Variants in ANO7 observed in about 807,000 individuals in gnomAD.
ANO7 encodes anoctamin-7.
Under a neutral mutation model 115.8 loss-of-function variants are expected in ANO7, and 114 were observed. The ratio of observed to expected loss-of-function variants is 0.98; its 90% CI spans 0.85 to 1.15. ANO7 has a LOEUF of 1.15. Among genes scored for constraint, ANO7 ranks in the 50% most tolerant of loss-of-function variants. The pLI, the probability that ANO7 is intolerant of heterozygous loss-of-function variation, is 0.00. For missense variants in ANO7, 1,302 were observed against 1,201.2 expected, an observed-to-expected ratio of 1.08 and a Z score of -1.24; for synonymous variants, 550 against 498.2, an observed-to-expected ratio of 1.10 and a Z score of -1.38.
intron 10 of ANO7, among the ~76,000 whole-genome samples, chr2:241,205,543 C>G (rs2068572762): frequency 8.9e-6 from 1 of 111,802 alleles, no homozygotes; most frequent in Non-Finnish European, 1.8e-5. Flanking sequence ...CCAAGGCTGA[C>G]ACAGGTGGAC....
chr2:241,229,605 C>T (rs762688647), downstream of ANO7: 3 of 1,612,514 alleles, frequency 1.9e-6, no homozygotes, highest in East Asian at 2.2e-5. Context: ...TGATCATTAT[C>T]GTTTGGGGCC....
chr2:241,223,373 A>G (rs2069073935), intron 22 of ANO7, 97 bp downstream of exon 22: 3 of 1,346,892 alleles, frequency 2.2e-6, no homozygotes, highest in Non-Finnish European at 2.1e-6. Context: ...CGGTGCCGTC[A>G]CTTCCTGCTG....
chr2:241,210,452 G>A lies in ANO7; in HGVS notation c.1459-16G>A. 1 of 1,613,902 alleles carries A rather than the reference G, an allele frequency of 6.2e-7. No individual in the cohort carries two copies. On this transcript the variant is annotated splice_polypyrimidine_tract_variant and intron_variant, in intron 14 of 24. Transcript: ENST00000674324. ...AGCGGCCCCTCATCCGGCTCTGACG[G>A]CCTGTCTCCCGTTAGGCCTCTCGCA...
chr2:241,209,760 C>A, intron 13 of ANO7, 125 bp downstream of exon 13: 4 of 1,326,078 alleles, frequency 3.0e-6, no homozygotes, highest in East Asian at 2.6e-5. Flanking sequence ...CCCTCACTCC[C>A]CGCAGAGAGG....
intron 13 of ANO7, 28 bp from the exon 14 acceptor site, chr2:241,210,267 G>T (rs771017363): frequency 1.2e-6 from 2 of 1,608,996 alleles, no homozygotes; most frequent in Admixed American, 3.3e-5. Flanking sequence ...CACCGTGAAG[G>T]GTCTCACGGG....
chr2:241,237,226 G>T, the ANO7 span, among the ~76,000 whole-genome samples: 7 of 152,170 alleles, frequency 4.6e-5, no homozygotes, highest in African/African-American at 1.4e-4. Context: ...AGTGGGAAGG[G>T]GGGTGAGAGG....
In ANO7 at chr2:241,224,022, G is replaced by A. The variant is rs187385068; in HGVS notation, c.2583+67G>A. The A allele has an allele frequency of 4.3e-4, 697 of 1,613,132 alleles. 2 individuals carry two copies. In the African/African-American group the frequency reaches 8.0e-3, roughly 19 times the overall value. Reference sequence around the variant, plus strand: ...TGAGGTCACAGGGCCCTGCCCAGCCGCCCACTGTGCCTCGTGGCCATGGCC... The same window carrying A: ...TGAGGTCACAGGGCCCTGCCCAGCCACCCACTGTGCCTCGTGGCCATGGCC... On this transcript the variant is annotated intron_variant, in intron 24 of 24. Coordinates refer to ENST00000674324, the MANE Select transcript of ANO7 (RefSeq NM_001370694.2).
chr2:241,192,263 A>T (rs890798283), intron 3 of ANO7, among the ~76,000 whole-genome samples: 2 of 152,170 alleles, frequency 1.3e-5, no homozygotes, highest in African/African-American at 4.8e-5. Flanking sequence ...AGGCGGAGGT[A>T]GCGGTGAACC....
intron 21 of ANO7, 137 bp downstream of exon 21, chr2:241,218,518 C>G: frequency 2.2e-5 from 5 of 230,440 alleles, no homozygotes; most frequent in Non-Finnish European, 2.7e-5. Context: ...AGGGGGGGAG[C>G]TGGGGGCGCC....
At chr2:241,235,368 G>T in the ANO7 span, 1 of 1,518,776 alleles carries the variant, frequency 6.6e-7, no homozygotes. Context: ...GTGAAGGGAA[G>T]TCAGTGCCCA....
At chr2:241,222,235 TAAA>T (rs2069038886) in intron 21 of ANO7, among the ~76,000 whole-genome samples, 1 of 57,572 alleles carries the variant, frequency 1.7e-5, no homozygotes, top group South Asian at 3.9e-4. Context: ...CTCTGTCTCA[TAAA>T]TAAATAAATA....
intron 17 of ANO7, 58 bp downstream of exon 17, chr2:241,212,684 A>ATT: frequency 6.6e-7 from 1 of 1,520,860 alleles, no homozygotes; most frequent in Non-Finnish European, 8.9e-7. Context: ...TCTCACTTCC[A>ATT]TTCTTCCATT....
At chr2:241,236,989 G>T in the ANO7 span, among the ~76,000 whole-genome samples, 7 of 150,352 alleles carry the variant, frequency 4.7e-5, no homozygotes, top group East Asian at 5.8e-4. Context: ...GGGGGGGGGG[G>T]GGGGGCGGCA....
Position 241,214,871 on chromosome 2 carries a change from G to T in ANO7, c.1795G>T (p.Val599Phe), listed in dbSNP as rs549340590. Residue 599 changes from valine to phenylalanine, a missense_variant, in exon 18 of 25, where the codon GTC becomes TTC. By Grantham distance (50) the Val-to-Phe change is conservative (BLOSUM62 -1). Transcript: ENST00000674324. Reference sequence around the variant, plus strand: ...CCTGGTCATCATGGTGGGCAAGCAGGTCATCAACAACATGCAGGAGGTCCT... The same window carrying T: ...CCTGGTCATCATGGTGGGCAAGCAGTTCATCAACAACATGCAGGAGGTCCT... The part of the protein sequence containing the change: ...ELLVIMVGKQ[V>F]INNMQEVLIP... 1.8e-5 allele frequency: 29 copies of T among 1,612,948 alleles called. No individual in the cohort carries two copies. The highest frequency in any genetic ancestry group is 1.7e-4 in the Middle Eastern group (1 of 6,058).
At chr2:241,222,233 C>CATAAATAAATAAATAA (rs59653174) in intron 21 of ANO7, among the ~76,000 whole-genome samples, 6 of 143,342 alleles carry the variant, frequency 4.2e-5, no homozygotes, top group East Asian at 4.4e-4. Flanking sequence ...GACTCTGTCT[C>CATAAATAAATAAATAA]ATAAATAAAT....
chr2:241,201,788 C>T (rs1175382932), intron 7 of ANO7, among the ~76,000 whole-genome samples: 2 of 152,098 alleles, frequency 1.3e-5, no homozygotes, highest in Non-Finnish European at 2.9e-5. Context: ...CACCACAGGG[C>T]ACACAGTCAC....
chr2:241,229,783 T>TGC, downstream of ANO7: 1 of 1,524,632 alleles, frequency 6.6e-7, no homozygotes, highest in Non-Finnish European at 9.0e-7. Context: ...CAAGCCCGCC[T>TGC]GCCCGCCCAC....
chr2:241,202,079 C>A (rs1009300797), intron 7 of ANO7, 115 bp from the exon 8 acceptor site: 3 of 797,650 alleles, frequency 3.8e-6, no homozygotes, highest in African/African-American at 3.4e-5. Flanking sequence ...GCTATTGTCA[C>A]CAGAAGGCTG....
intron 1 of ANO7, among the ~76,000 whole-genome samples, chr2:241,189,609 C>T (rs939699735): frequency 1.4e-4 from 22 of 152,042 alleles, no homozygotes; most frequent in Admixed American, 3.9e-4. Context: ...GGCACTGGGT[C>T]CTCAGGCCAT....
Sources: gnomAD v4.1 joint callset for allele counts (sites outside exome capture counted in the v4.1 genomes callset) on GRCh38, gnomAD v4.1.1 for gene constraint, MANE v1.5 for transcripts, NCBI Gene and HGNC (gene_info 2026-07-23, HGNC 2026-07-21) for gene names.